Variants in SLAIN1 observed in about 807,000 individuals in gnomAD.
SLAIN1 encodes the protein SLAIN motif-containing protein 1.
SLAIN1 carries 17 observed loss-of-function variants against 55.4 expected under a neutral mutation model. That is an observed-to-expected ratio of 0.31 (90% CI 0.21 to 0.46). SLAIN1 has a LOEUF of 0.46. SLAIN1 is among the 20% of genes least tolerant of loss of function. The pLI, the probability that SLAIN1 is intolerant of heterozygous loss-of-function variation, is 1.00. For missense variants in SLAIN1, 682 were observed against 785.1 expected (o/e 0.87, Z 1.57); for synonymous variants, 348 against 337.4 (o/e 1.03, Z -0.35).
At chr13:77,729,012 C>A (rs2091333026) in intron 2 of SLAIN1, among the ~76,000 whole-genome samples, 1 of 152,276 alleles carries the variant, frequency 6.6e-6, no homozygotes, top group Admixed American at 6.5e-5. Flanking sequence ...TGCTATCATT[C>A]CTGTGTGCTG....
Position 77,719,688 on chromosome 13 carries a change from G to A in SLAIN1, c.766+17G>A, listed in dbSNP as rs376357139. 2.5e-6 allele frequency: 4 copies of A among 1,610,242 alleles called. No homozygotes were observed. Among genetic ancestry groups the A allele is most frequent in the Non-Finnish European group, 3.4e-6 (4 of 1,177,906 alleles). ...TGGAGCAAGGTAATTGTGAGTGTGT[G>A]CATTTACATTCTCCAACTCTTGTCA... is the stretch of plus-strand genomic sequence containing the variant. On this transcript the variant is annotated intron_variant, in intron 2 of 6. Transcript: ENST00000418532.
Position 77,764,115 on chromosome 13 carries a change from T to G in SLAIN1, c.*895T>G, listed in dbSNP as rs182284035. 5 of 152,748 alleles carry G rather than the reference T, an allele frequency of 3.3e-5. No individual in the cohort carries two copies. The highest frequency in any genetic ancestry group is 7.4e-5 in the Non-Finnish European group (5 of 68,008). The allele number at this position is 152,748 out of a possible 1,614,324, so 9.5% of individuals were successfully genotyped here. A position where few individuals can be genotyped will look rare whatever the true frequency, so the allele number is the denominator to read the frequency against. ...AGCAAATAAATCTTTTTGATAGACC[T>G]TTTACAAAATCCATTTGCACTAATG... is the stretch of plus-strand genomic sequence containing the variant. On this transcript the variant is annotated 3_prime_UTR_variant, in exon 7 of 7. Transcript: ENST00000418532.
At chr13:77,752,306 T>A (rs1441249528) in intron 4 of SLAIN1, among the ~76,000 whole-genome samples, 2 of 150,990 alleles carry the variant, frequency 1.3e-5, no homozygotes, top group Admixed American at 1.3e-4. Flanking sequence ...TTTTTTTTTT[T>A]AAGAAGCATG....
intron 2 of SLAIN1, among the ~76,000 whole-genome samples, chr13:77,727,168 C>T (rs28651617): frequency 2.0e-5 from 3 of 152,256 alleles, no homozygotes; most frequent in African/African-American, 4.8e-5. Context: ...CAACAAAGCT[C>T]AGTATCTTGG....
At chr13:77,708,933 A>G (rs1261647781) in intron 1 of SLAIN1, among the ~76,000 whole-genome samples, 1 of 152,110 alleles carries the variant, frequency 6.6e-6, no homozygotes, top group African/African-American at 2.4e-5. Context: ...TGACAGAAAT[A>G]GACTTCAGAA....
At chr13:77,762,484 CTTG>C (rs1875112565) in intron 6 of SLAIN1, among the ~76,000 whole-genome samples, 1 of 152,034 alleles carries the variant, frequency 6.6e-6, no homozygotes, top group African/African-American at 2.4e-5. Flanking sequence ...ATGGTTGTAG[CTTG>C]TTGTAACCTC....
intron 1 of SLAIN1, among the ~76,000 whole-genome samples, chr13:77,717,734 A>G (rs1028501497): frequency 6.6e-6 from 1 of 152,210 alleles, no homozygotes; most frequent in Non-Finnish European, 1.5e-5. Context: ...AGTGCCTCTC[A>G]AGATGTGGTC....
At chr13:77,729,213 T>G (rs1208377449) in intron 2 of SLAIN1, among the ~76,000 whole-genome samples, 1 of 152,206 alleles carries the variant, frequency 6.6e-6, no homozygotes, top group Non-Finnish European at 1.5e-5. Flanking sequence ...ACCTGATATG[T>G]GTTTGCCAAA....
chr13:77,761,096 A>G lies in SLAIN1; in HGVS notation c.1683A>G (p.Ala561=). The part of the protein sequence containing the change: ...NGSNLPRSKI[A]QPVRSFLQPP... ...GTAACCTGCCTCGAAGCAAAATTGC[A>G]CAACCTGTTAGAAGGTAAGAATGTG... Residue 561 remains alanine, a synonymous_variant, in exon 6 of 7, where the codon GCA becomes GCG. Transcript: ENST00000418532. 1 of 1,614,132 alleles carries G rather than the reference A, an allele frequency of 6.2e-7. No homozygotes were observed. Among genetic ancestry groups the G allele is most frequent in the Non-Finnish European group, 8.5e-7 (1 of 1,179,988 alleles).
chr13:77,697,735 C>T lies in SLAIN1; in HGVS notation c.-179C>T. On this transcript the variant is annotated 5_prime_UTR_variant, in exon 1 of 7. Transcript: ENST00000418532. Reference sequence around the variant, plus strand: ...CATGTGCAGATCAGCTCGGTGGTGGCTGCCGCGGCCGGAGGCGAGGGCCCG... The same window carrying T: ...CATGTGCAGATCAGCTCGGTGGTGGTTGCCGCGGCCGGAGGCGAGGGCCCG... 1 of 405,830 alleles carries T rather than the reference C, an allele frequency of 2.5e-6. No homozygotes were observed. The highest frequency in any genetic ancestry group is 1.2e-4 in the South Asian group (1 of 8,616). 25.1% of individuals were successfully genotyped at this position (405,830 alleles called of 1,614,324 possible).
At position 77,698,342 on chromosome 13, in the gene SLAIN1, C is replaced by T; in HGVS notation, c.429C>T (p.Pro143=). The change falls in exon 1 of 7, where the codon CCC becomes CCT. Residue 143 remains proline, a synonymous_variant. Transcript: ENST00000418532. The surrounding 1 kb of genome is among the most constrained non-coding windows in gnomAD (Gnocchi z 4.1). ...PSLLCSLAQP[P]EAPFVYFKPA... is the part of the protein sequence containing the mutation. ...TGCTTTGCAGCCTGGCGCAGCCACCCGAGGCGCCCTTCGTCTACTTCAAGC... is the reference window on the plus strand; with the variant it reads ...TGCTTTGCAGCCTGGCGCAGCCACCTGAGGCGCCCTTCGTCTACTTCAAGC... The T allele has an allele frequency of 6.9e-7, 1 of 1,447,998 alleles. No individual in the cohort carries two copies. Among genetic ancestry groups the T allele is most frequent in the Non-Finnish European group, 9.1e-7 (1 of 1,102,394 alleles). The allele number at this position is 1,447,998 out of a possible 1,614,324, so 89.7% of individuals were successfully genotyped here.
chr13:77,727,525 C>G (rs539628301), intron 2 of SLAIN1, among the ~76,000 whole-genome samples: 1 of 151,370 alleles, frequency 6.6e-6, no homozygotes, highest in Non-Finnish European at 1.5e-5. Flanking sequence ...AACAAAAACC[C>G]TCAAAAAACC....
intron 2 of SLAIN1, among the ~76,000 whole-genome samples, chr13:77,726,676 C>G (rs1243847386): frequency 6.6e-6 from 1 of 152,190 alleles, no homozygotes; most frequent in Non-Finnish European, 1.5e-5. Context: ...CACCTGGCCT[C>G]CCTGTGCTGG....
At chr13:77,728,348 C>T (rs186150234) in intron 2 of SLAIN1, among the ~76,000 whole-genome samples, 115 of 152,180 alleles carry the variant, frequency 7.6e-4, no homozygotes, top group Non-Finnish European at 1.3e-3. Context: ...TAATTTGAAA[C>T]GCCCAAAATG....
At chr13:77,762,012 TATAA>T (rs555736561) in intron 6 of SLAIN1, among the ~76,000 whole-genome samples, 3 of 152,230 alleles carry the variant, frequency 2.0e-5, no homozygotes, top group Non-Finnish European at 4.4e-5. Flanking sequence ...TTTATGGATA[TATAA>T]ATAGTTTTAT....
chr13:77,739,107 T>C (rs1873281123), intron 2 of SLAIN1, among the ~76,000 whole-genome samples: 1 of 152,076 alleles, frequency 6.6e-6, no homozygotes, highest in Admixed American at 6.6e-5. Context: ...CATCATTTAG[T>C]TGGAAACCGG....
At chr13:77,723,455 G>A (rs976656918) in intron 2 of SLAIN1, among the ~76,000 whole-genome samples, 12 of 152,122 alleles carry the variant, frequency 7.9e-5, no homozygotes, top group Admixed American at 2.0e-4. Context: ...ATATGTGGCA[G>A]GTAAATTTTG....
rs1268119188 is a variant in SLAIN1 at position 77,705,049 on chromosome 13, G to C, written c.626+6510G>C. 2.7e-5 allele frequency among the ~76,000 whole-genome samples: 4 copies of C among 150,034 alleles called. No homozygotes were observed. In the Admixed American group the frequency reaches 2.7e-4, roughly 10 times the overall value. On this transcript the variant is annotated intron_variant, in intron 1 of 6. Transcript: ENST00000418532. ...TATACATAGAAACTGTATATACAGA[G>C]GTTTTATATGTATATATACACACAT...
intron 4 of SLAIN1, 119 bp from the exon 5 acceptor site, chr13:77,753,084 A>G: frequency 3.2e-6 from 3 of 934,144 alleles, no homozygotes; most frequent in South Asian, 2.3e-5. Flanking sequence ...TTGATCATCA[A>G]CATGTAATAA....
Sources: gnomAD v4.1 joint callset for allele counts (sites outside exome capture counted in the v4.1 genomes callset) on GRCh38, gnomAD v4.1.1 for gene constraint, Gnocchi (gnomAD v3.1) non-coding constraint, MANE v1.5 for transcripts, NCBI Gene and HGNC (gene_info 2026-07-23, HGNC 2026-07-21) for gene names.